Variants in C3orf22 observed in about 807,000 individuals in gnomAD.
The protein encoded by C3orf22 is chromosome 3 open reading frame 22.
C3orf22 carries 7 observed loss-of-function variants against 10.8 expected under a neutral mutation model. The observed-to-expected ratio is 0.65, with a 90% CI of 0.37 to 1.22. C3orf22 has a LOEUF of 1.22. Ranked by LOEUF, C3orf22 falls within the 50% of genes most tolerant of loss-of-function variation. The probability of loss-of-function intolerance (pLI) is 0.02; values close to 1 mark genes in which losing one functional copy is unlikely to be tolerated. For missense variants in C3orf22, 173 were observed against 177.0 expected, an observed-to-expected ratio of 0.98 and a Z score of 0.13; for synonymous variants, 79 against 78.9, an observed-to-expected ratio of 1.00 and a Z score of 0.00.
chr3:126,553,876 C>T (rs1479078447), intron 1 of C3orf22, among the ~76,000 whole-genome samples: 2 of 152,202 alleles, frequency 1.3e-5, no homozygotes, highest in South Asian at 2.1e-4. Flanking sequence ...TTCTAGGGTG[C>T]GGTTGTGCAG....
chr3:126,542,173 C>A (rs1218355491), intron 4 of C3orf22: 2 of 1,466,772 alleles, frequency 1.4e-6, no homozygotes, highest in Non-Finnish European at 1.8e-6. Context: ...TCGTTCAGCG[C>A]CTGCGGCCGC....
chr3:126,528,537 C>T (rs981227498), intron 5 of C3orf22, among the ~76,000 whole-genome samples: 7 of 151,992 alleles, frequency 4.6e-5, no homozygotes, highest in African/African-American at 1.7e-4. Flanking sequence ...CAAGGTGGGG[C>T]GAGGAGAAAT....
intron 4 of C3orf22, chr3:126,542,172 G>C: frequency 6.8e-7 from 1 of 1,466,074 alleles, no homozygotes; most frequent in Non-Finnish European, 9.0e-7. Context: ...ATCGTTCAGC[G>C]CCTGCGGCCG....
At chr3:126,550,795 TC>T (rs1392058322) in intron 3 of C3orf22, among the ~76,000 whole-genome samples, 1 of 152,158 alleles carries the variant, frequency 6.6e-6, no homozygotes, top group African/African-American at 2.4e-5. Flanking sequence ...CAATTATCTC[TC>T]CCCAGCCTTG....
chr3:126,533,909 T>A (rs1936710645), intron 4 of C3orf22, among the ~76,000 whole-genome samples: 1 of 152,328 alleles, frequency 6.6e-6, no homozygotes, highest in South Asian at 2.1e-4. Flanking sequence ...TTGTTATGGG[T>A]CTGCTGAGAT....
downstream of C3orf22, among the ~76,000 whole-genome samples, chr3:126,547,638 G>A (rs541905632): frequency 6.6e-5 from 10 of 152,328 alleles, no homozygotes; most frequent in African/African-American, 2.4e-4. Flanking sequence ...AAAGCTCTGG[G>A]CCCTGCCTAT....
chr3:126,527,994 G>A (rs1321759588), intron 5 of C3orf22: 3 of 151,882 alleles, frequency 2.0e-5, no homozygotes, highest in African/African-American at 7.3e-5. Context: ...ATTCTACAGG[G>A]CAGGGGCATT....
chr3:126,543,708 A>G (rs1937020897), intron 4 of C3orf22, among the ~76,000 whole-genome samples: 1 of 150,248 alleles, frequency 6.7e-6, no homozygotes, highest in East Asian at 2.0e-4. Context: ...ATATGAGTGT[A>G]AGAGTGTGCA....
downstream of C3orf22, chr3:126,549,465 T>A: frequency 2.1e-6 from 1 of 467,418 alleles, no homozygotes; most frequent in Admixed American, 2.5e-5. Context: ...TGTGAGTGTT[T>A]AGCAAACAGT....
chr3:126,539,857 A>AC (rs1936907366), intron 4 of C3orf22, among the ~76,000 whole-genome samples: 2 of 37,182 alleles, frequency 5.4e-5, no homozygotes, highest in Non-Finnish European at 4.7e-5. Flanking sequence ...TCACACACAC[A>AC]CACCCCACAC....
Position 126,549,933 on chromosome 3 carries a change from G to A in C3orf22, c.361C>T (p.Arg121Trp), listed in dbSNP as rs376388723. 57 of 1,614,154 alleles carry A rather than the reference G, an allele frequency of 3.5e-5. No individual in the cohort carries two copies. Among genetic ancestry groups the A allele is most frequent in the East Asian group, 1.8e-4 (8 of 44,860 alleles). ...TGGGGGCAGGCAGCCTCAGTGTGCC[G>A]GGTGGACAGCAGGAAGGCGAGTTGT... ...PRQLAFLLST[R>W]HTEAACPQTS... is the part of the protein sequence containing the mutation. Residue 121 changes from arginine to tryptophan, a missense_variant, in exon 4 of 4, where the codon CGG becomes TGG. Arg to Trp is a moderately radical substitution (Grantham distance 101, BLOSUM62 -3). Transcript: ENST00000318225.
At chr3:126,539,475 A>G in intron 4 of C3orf22, among the ~76,000 whole-genome samples, 1 of 147,584 alleles carries the variant, frequency 6.8e-6, no homozygotes, top group South Asian at 2.2e-4. Context: ...CACACACTGC[A>G]CACACACACA....
At chr3:126,536,888 CACACACAA>C (rs1576232019) in intron 4 of C3orf22, among the ~76,000 whole-genome samples, 1 of 120,940 alleles carries the variant, frequency 8.3e-6, no homozygotes, top group South Asian at 2.5e-4. Flanking sequence ...TTCTCACACA[CACACACAA>C]ACACACACAC....
At chr3:126,554,981 G>A (rs1311342753) in intron 1 of C3orf22, among the ~76,000 whole-genome samples, 1 of 152,202 alleles carries the variant, frequency 6.6e-6, no homozygotes, top group Non-Finnish European at 1.5e-5. Context: ...CTGGCTACAT[G>A]AGGCTATCAG....
downstream of C3orf22, among the ~76,000 whole-genome samples, chr3:126,546,379 TG>T (rs1163281097): frequency 6.6e-6 from 1 of 152,232 alleles, no homozygotes; most frequent in African/African-American, 2.4e-5. Context: ...CCTCAGTGGC[TG>T]CTGTGGACTG....
chr3:126,537,758 A>G (rs1936829156), intron 4 of C3orf22, among the ~76,000 whole-genome samples: 1 of 119,818 alleles, frequency 8.3e-6, no homozygotes, highest in Non-Finnish European at 1.7e-5. Context: ...GAAATAACAT[A>G]GTAAAAACCA....
rs754626828 is a variant in C3orf22 at position 126,541,978 on chromosome 3, G to A, written c.286+7559C>T. On this transcript the variant is annotated intron_variant and NMD_transcript_variant, in intron 4 of 5. Transcript: ENST00000505070. ...ACCCGCGCGCCATCTCCGCGCAAGA[G>A]GCGCACGCGCCTGGCCGCCTGCCCT... The A allele has an allele frequency of 3.8e-6, 6 of 1,573,838 alleles. No individual in the cohort carries two copies. The South Asian group carries it at 6.9e-5, about 18-fold the overall frequency.
Position 126,535,473 on chromosome 3 carries a change from C to T in C3orf22, c.287-6101G>A, listed in dbSNP as rs140230853. Among the ~76,000 whole-genome samples the T allele has an allele frequency of 8.6e-4, 130 of 151,780 alleles. 3 individuals are homozygous for T. In the East Asian group the frequency reaches 0.022, roughly 25 times the overall value. ...CAGCCGGGAGACAGACAGACAGTATCGCTGTCCTCAGCCGGGAGACACACA... is the reference window on the plus strand; with the variant it reads ...CAGCCGGGAGACAGACAGACAGTATTGCTGTCCTCAGCCGGGAGACACACA... On this transcript the variant is annotated intron_variant and NMD_transcript_variant, in intron 4 of 5. Coordinates refer to the C3orf22 transcript ENST00000505070.
intron 4 of C3orf22, chr3:126,541,839 T>A (rs368220564): frequency 2.5e-6 from 4 of 1,575,284 alleles, no homozygotes; most frequent in Non-Finnish European, 3.4e-6. Flanking sequence ...CCGGAGGACC[T>A]GCGGCACGTG....
Sources: allele counts gnomAD v4.1 joint callset (sites outside exome capture counted in the v4.1 genomes callset), GRCh38; gene constraint gnomAD v4.1.1; transcripts MANE v1.5; gene names NCBI Gene and HGNC (gene_info 2026-07-23, HGNC 2026-07-21).